Variants in SPATA13 observed in about 807,000 individuals in gnomAD.
The protein encoded by SPATA13 is spermatogenesis-associated protein 13.
A neutral mutation model predicts 104.0 loss-of-function variants in SPATA13; 50 were observed. The observed-to-expected ratio is 0.48, with a 90% confidence interval of 0.38 to 0.61. SPATA13 has a LOEUF of 0.61. Ranked by LOEUF, SPATA13 falls within the 20% of genes least tolerant of loss-of-function variation. The probability of loss-of-function intolerance (pLI) is 0.00; values close to 1 mark genes in which losing one functional copy is unlikely to be tolerated. For synonymous variants in SPATA13, 606 were observed against 667.5 expected, an observed-to-expected ratio of 0.91 and a Z score of 1.42; for missense variants, 1,524 against 1,690.6, an observed-to-expected ratio of 0.90 and a Z score of 1.73.
At chr13:23,995,575 A>G (rs1875642187) in intron 2 of SPATA13, among the ~76,000 whole-genome samples, 1 of 152,208 alleles carries the variant, frequency 6.6e-6, no homozygotes, top group South Asian at 2.1e-4. Flanking sequence ...TTTCCCTTTG[A>G]GATAAAAATG....
intron 3 of SPATA13, among the ~76,000 whole-genome samples, chr13:24,095,722 C>T (rs149076643): frequency 3.9e-5 from 6 of 152,268 alleles, no homozygotes; most frequent in African/African-American, 1.2e-4. Context: ...AATCTACCCT[C>T]GTTTCCCTAC....
chr13:24,286,311 A>G lies in SPATA13; in HGVS notation c.2399A>G (p.Gln800Arg), dbSNP rs768852418. 3 of 1,613,770 alleles carry G rather than the reference A, an allele frequency of 1.9e-6. No individual in the cohort carries two copies. The highest frequency in any genetic ancestry group is 2.5e-6 in the Non-Finnish European group (3 of 1,180,032). The stretch of plus-strand genomic sequence containing the variant: ...GGCTTCAAAGCCGGGGATGTCATCC[A>G]GGTTCTGGAAGCCTCCAACAAGGAC... ...ELGFKAGDVI[Q>R]VLEASNKDWW... is the part of the protein sequence containing the mutation. Residue 800 changes from glutamine to arginine, a missense_variant, in exon 6 of 13, where the codon CAG becomes CGG. Around this residue, in one of 2 missense-constraint regions of SPATA13, gnomAD observed 1,089 missense variants for 1,135.9 expected, o/e 0.96. Transcript: ENST00000382108. The surrounding 1 kb of genome is among the most constrained non-coding windows in gnomAD (Gnocchi z 4.9).
chr13:24,096,619 A>C (rs1047340827), intron 3 of SPATA13, among the ~76,000 whole-genome samples: 3 of 152,154 alleles, frequency 2.0e-5, no homozygotes, highest in African/African-American at 7.2e-5. Flanking sequence ...AGGGGGACCT[A>C]ATTTGGACAG....
At chr13:24,118,003 A>T (rs1372518546) in intron 3 of SPATA13, among the ~76,000 whole-genome samples, 2 of 152,220 alleles carry the variant, frequency 1.3e-5, no homozygotes, top group African/African-American at 4.8e-5. Flanking sequence ...TAGTTATCTT[A>T]AAGAAGTGTG....
intron 3 of SPATA13, among the ~76,000 whole-genome samples, chr13:24,052,800 GC>G (rs1223881802): frequency 4.5e-5 from 2 of 44,750 alleles, no homozygotes; most frequent in South Asian, 2.3e-3. Context: ...CAGCTCAGGG[GC>G]CCGTGCAGCA....
intron 1 of SPATA13, among the ~76,000 whole-genome samples, chr13:24,192,863 C>G (rs1404783038): frequency 6.6e-6 from 1 of 152,166 alleles, no homozygotes; most frequent in Non-Finnish European, 1.5e-5. Flanking sequence ...GGTTAGGCAA[C>G]AGGAGGCACT....
intron 3 of SPATA13, among the ~76,000 whole-genome samples, chr13:24,048,310 T>A (rs1358379170): frequency 1.3e-5 from 2 of 151,660 alleles, no homozygotes; most frequent in African/African-American, 4.9e-5. Context: ...CGTTATATTG[T>A]TTAGAAAATA....
Position 24,223,269 on chromosome 13 carries a change from T to A in SPATA13, c.340T>A (p.Phe114Ile). 1 of 1,551,680 alleles carries A rather than the reference T, an allele frequency of 6.4e-7. No homozygotes were observed. The highest frequency in any genetic ancestry group is 8.7e-7 in the Non-Finnish European group (1 of 1,146,994). ...CGCCTCCTTCCGGAAAATGGGATCC[T>A]TTAAGAAACTGAAGTCCTCAGTCCT... The part of the protein sequence containing the change: ...TLASFRKMGS[F>I]KKLKSSVLKG... The change falls in exon 2 of 13, where the codon TTT (phenylalanine) becomes ATT (isoleucine). Residue 114 changes from phenylalanine (F) to isoleucine (I), a missense_variant. This residue lies in a region of SPATA13 where 1,089 missense variants were observed against 1,135.9 expected (regional missense o/e 0.96). Coordinates refer to ENST00000382108, the MANE Select transcript of SPATA13 (RefSeq NM_001166271.3).
At chr13:24,243,853 C>T (rs762904518) in intron 2 of SPATA13, among the ~76,000 whole-genome samples, 1 of 152,248 alleles carries the variant, frequency 6.6e-6, no homozygotes, top group Non-Finnish European at 1.5e-5. Context: ...TTATATACAT[C>T]TTCAAAAAAC....
intron 1 of SPATA13, among the ~76,000 whole-genome samples, chr13:24,213,564 C>G (rs985231113): frequency 2.6e-5 from 4 of 152,198 alleles, no homozygotes; most frequent in African/African-American, 9.6e-5. Flanking sequence ...CATGCCCGGC[C>G]AGGGTCTTTC....
Position 24,160,945 on chromosome 13 carries a change from C to T in SPATA13, c.-112+13C>T. Reference sequence around the variant, plus strand: ...GGCGCCGCAGGAGGTAAGACGGCTTCGGGCGCGCGGCTCTGCCGGGCGGGC... The same window carrying T: ...GGCGCCGCAGGAGGTAAGACGGCTTTGGGCGCGCGGCTCTGCCGGGCGGGC... On this transcript the variant is annotated intron_variant, in intron 1 of 12. Coordinates refer to ENST00000382108, the MANE Select transcript of SPATA13 (RefSeq NM_001166271.3). 2 of 985,774 alleles carry T rather than the reference C, an allele frequency of 2.0e-6. No individual in the cohort carries two copies. Among genetic ancestry groups the T allele is most frequent in the Non-Finnish European group, 2.4e-6 (2 of 830,286 alleles). 61.1% of individuals were successfully genotyped at this position (985,774 alleles called of 1,614,324 possible).
At chr13:24,066,214 AC>A (rs1201604037) in intron 3 of SPATA13, among the ~76,000 whole-genome samples, 4 of 152,106 alleles carry the variant, frequency 2.6e-5, no homozygotes, top group African/African-American at 9.7e-5. Flanking sequence ...CCATCTGCTC[AC>A]CCCAAAATGC....
At chr13:24,238,612 G>C (rs915320108) in intron 2 of SPATA13, among the ~76,000 whole-genome samples, 10 of 152,192 alleles carry the variant, frequency 6.6e-5, no homozygotes, top group African/African-American at 2.2e-4. Context: ...TCCAGGGCCA[G>C]AGCGGTGCCA....
At chr13:24,131,369 T>C (rs1881384969) in intron 3 of SPATA13, among the ~76,000 whole-genome samples, 1 of 152,184 alleles carries the variant, frequency 6.6e-6, no homozygotes, top group Non-Finnish European at 1.5e-5. Flanking sequence ...ACCAGCTGAC[T>C]TCTCACAGGG....
At chr13:24,243,196 A>G (rs1438302807) in intron 2 of SPATA13, among the ~76,000 whole-genome samples, 1 of 152,230 alleles carries the variant, frequency 6.6e-6, no homozygotes, top group Non-Finnish European at 1.5e-5. Context: ...TTCAGAATCA[A>G]TACCTCACAC....
intron 3 of SPATA13, among the ~76,000 whole-genome samples, chr13:24,036,026 A>AAAAAAAAG (rs1877668833): frequency 6.6e-6 from 1 of 151,758 alleles, no homozygotes; most frequent in Admixed American, 6.6e-5. Context: ...AAAAAAAAAA[A>AAAAAAAAG]AAAAAAAGAA....
At chr13:24,117,471 A>G (rs980814831) in intron 3 of SPATA13, among the ~76,000 whole-genome samples, 5 of 152,174 alleles carry the variant, frequency 3.3e-5, no homozygotes, top group African/African-American at 1.2e-4. Context: ...TTTAGACAAT[A>G]CTTCATCAAA....
intron 3 of SPATA13, among the ~76,000 whole-genome samples, chr13:24,083,118 A>C (rs1879596442): frequency 6.6e-6 from 1 of 152,218 alleles, no homozygotes; most frequent in South Asian, 2.1e-4. Context: ...AAAGGTGGAC[A>C]GGCATTCATT....
intron 2 of SPATA13, among the ~76,000 whole-genome samples, chr13:24,238,355 C>CTAT (rs1566167178): frequency 8.5e-5 from 13 of 152,170 alleles, no homozygotes; most frequent in Admixed American, 7.2e-4. Context: ...CAGGGTTTTG[C>CTAT]CATGTTGGCC....
Sources: allele counts gnomAD v4.1 joint callset (sites outside exome capture counted in the v4.1 genomes callset), GRCh38; gene constraint gnomAD v4.1.1; regional missense constraint gnomAD v4.1.1; non-coding constraint Gnocchi (gnomAD v3.1); transcripts MANE v1.5; gene names NCBI Gene and HGNC (gene_info 2026-07-23, HGNC 2026-07-21).